Variants in ZFHX3 observed in about 807,000 individuals in gnomAD.
The protein encoded by ZFHX3 is zinc finger homeobox protein 3.
Under a neutral mutation model 279.1 loss-of-function variants are expected in ZFHX3, and 42 were observed. The observed-to-expected ratio is 0.15, with a 90% CI of 0.12 to 0.19. The LOEUF (loss-of-function observed/expected upper bound fraction) is 0.19. Among genes scored for constraint, ZFHX3 ranks in the 10% least tolerant of loss-of-function variants. The pLI, the probability that ZFHX3 is intolerant of heterozygous loss-of-function variation, is 1.00. For missense variants in ZFHX3, 4,981 were observed against 4,754.0 expected, an observed-to-expected ratio of 1.05 and a Z score of -1.40; for synonymous variants, 2,293 against 1,957.8, an observed-to-expected ratio of 1.17 and a Z score of -4.52.
At chr16:73,602,306 G>C (rs1016414954) in intron 2 of ZFHX3, among the ~76,000 whole-genome samples, 2 of 152,128 alleles carry the variant, frequency 1.3e-5, no homozygotes, top group African/African-American at 4.8e-5. Context: ...TTTAGTCCTA[G>C]AGATAAATGT....
At chr16:72,896,549 A>T (rs1170672479) in intron 3 of ZFHX3, among the ~76,000 whole-genome samples, 1 of 152,218 alleles carries the variant, frequency 6.6e-6, no homozygotes, top group Non-Finnish European at 1.5e-5. Flanking sequence ...GTGGGATTCT[A>T]CCCCATTAGT....
intron 2 of ZFHX3, among the ~76,000 whole-genome samples, chr16:73,562,388 G>T (rs1015664037): frequency 1.1e-4 from 17 of 152,134 alleles, no homozygotes; most frequent in South Asian, 4.1e-4. Flanking sequence ...GAGGTCAGGA[G>T]ATCGAGACCA....
At chr16:73,512,345 G>C (rs970660038) in intron 2 of ZFHX3, among the ~76,000 whole-genome samples, 15 of 151,050 alleles carry the variant, frequency 9.9e-5, no homozygotes, top group Non-Finnish European at 4.4e-5. Context: ...CCACTCATGA[G>C]GCTGAGGCAG....
chr16:73,594,007 C>T (rs1218535213), intron 2 of ZFHX3, among the ~76,000 whole-genome samples: 1 of 152,086 alleles, frequency 6.6e-6, no homozygotes, highest in Admixed American at 6.6e-5. Context: ...TCTTGTTACT[C>T]CTATTCAACA....
At chr16:73,537,374 T>G (rs2019922923) in intron 2 of ZFHX3, among the ~76,000 whole-genome samples, 1 of 134,916 alleles carries the variant, frequency 7.4e-6, no homozygotes, top group Non-Finnish European at 1.5e-5. Context: ...TGGAGTGCAG[T>G]GGCGCGATCT....
intron 5 of ZFHX3, among the ~76,000 whole-genome samples, chr16:73,168,327 T>A (rs1967442918): frequency 6.6e-6 from 1 of 151,318 alleles, no homozygotes; most frequent in Non-Finnish European, 1.5e-5. Context: ...AGTGGTGTGA[T>A]CATAGTTCAC....
chr16:73,865,652 G>A (rs749778575), intron 1 of ZFHX3, among the ~76,000 whole-genome samples: 4 of 152,096 alleles, frequency 2.6e-5, no homozygotes, highest in Non-Finnish European at 5.9e-5. Flanking sequence ...CTGAACTGCC[G>A]TGACTCAGAG....
In ZFHX3 at chr16:72,959,016, T is replaced by A; in HGVS notation, c.1130A>T (p.Glu377Val). 1 of 1,612,250 alleles carries A rather than the reference T, an allele frequency of 6.2e-7. No individual in the cohort carries two copies. The highest frequency in any genetic ancestry group is 8.5e-7 in the Non-Finnish European group (1 of 1,179,066). ...KFSGIRMEGE[E>V]ALPAGSAAGP... is the part of the protein sequence containing the mutation. Reference sequence around the variant, plus strand: ...AGCGGCGGAGCCCGCTGGGAGAGCTTCCTCCCCTTCCATTCGAATGCCACT... The same window carrying A: ...AGCGGCGGAGCCCGCTGGGAGAGCTACCTCCCCTTCCATTCGAATGCCACT... The change falls in exon 2 of 10, where the codon GAA becomes GTA. Residue 377 changes from glutamate to valine, a missense_variant. Coordinates refer to ENST00000268489, the MANE Select transcript of ZFHX3 (RefSeq NM_006885.4).
At chr16:73,849,211 C>T (rs976574143) in intron 1 of ZFHX3, among the ~76,000 whole-genome samples, 10 of 152,160 alleles carry the variant, frequency 6.6e-5, no homozygotes, top group South Asian at 2.1e-4. Flanking sequence ...TGGTGTGTGA[C>T]GTCAATTCAC....
In ZFHX3 at chr16:72,797,664, A is replaced by G. The variant is rs767358867; in HGVS notation, c.5018T>C (p.Ile1673Thr). ...FTTSNPSSAG[I>T]APSSNLLSQV... ...GCTTAGTAAGTTAGAGCTTGGAGCA[A>G]TGCCAGCACTGCTTGGATTGGAGGT... is the stretch of plus-strand genomic sequence containing the variant. Residue 1673 changes from isoleucine (I) to threonine (T), a missense_variant, in exon 9 of 10, where the codon ATT becomes ACT. Physicochemically the swap from Ile to Thr is moderately conservative, Grantham distance 89. This residue lies in a region of ZFHX3 where 1,751 missense variants were observed against 1,770.0 expected (regional missense o/e 0.99). Transcript: ENST00000268489. The G allele has an allele frequency of 6.2e-7, 1 of 1,614,142 alleles. No homozygotes were observed. Among genetic ancestry groups the G allele is most frequent in the East Asian group, 2.2e-5 (1 of 44,862 alleles).
chr16:73,601,916 A>G lies in ZFHX3; in HGVS notation c.-1547+78264T>C, dbSNP rs182197232. 2.5e-3 allele frequency among the ~76,000 whole-genome samples: 375 copies of G among 152,304 alleles called. 4 individuals carry two copies. The highest frequency in any genetic ancestry group is 8.8e-3 in the African/African-American group (367 of 41,556). On this transcript the variant is annotated intron_variant, in intron 2 of 17. Transcript: ENST00000641206. Reference sequence around the variant, plus strand: ...AATATGGTCAGGAACAAAACACACCAACTTCAGGAGAGAGGAAGGGGAGTG... The same window carrying G: ...AATATGGTCAGGAACAAAACACACCGACTTCAGGAGAGAGGAAGGGGAGTG...
At chr16:72,955,708 G>A (rs1279327470) in intron 2 of ZFHX3, among the ~76,000 whole-genome samples, 1 of 150,702 alleles carries the variant, frequency 6.6e-6, no homozygotes, top group African/African-American at 2.4e-5. Flanking sequence ...AACACAGGAG[G>A]TGGATGTTGC....
chr16:73,790,136 G>A (rs889289914), intron 1 of ZFHX3, among the ~76,000 whole-genome samples: 11 of 152,146 alleles, frequency 7.2e-5, no homozygotes, highest in African/African-American at 2.4e-4. Flanking sequence ...GGAGAATTGG[G>A]TTGGCTGTTC....
At chr16:73,609,956 G>A (rs914191547) in intron 2 of ZFHX3, 1 of 152,174 alleles carries the variant, frequency 6.6e-6, no homozygotes, top group Non-Finnish European at 1.5e-5. Flanking sequence ...GACCAGGTGT[G>A]TGTGTGGGTG....
rs75174704 is a variant in ZFHX3, at chr16:72,798,719, T to TAA, written c.3968-7_3968-6dup. On this transcript the variant is annotated splice_region_variant and splice_polypyrimidine_tract_variant and intron_variant, in intron 8 of 9. Coordinates refer to ENST00000268489, the MANE Select transcript of ZFHX3 (RefSeq NM_006885.4). ...TTCCCAGATCCTCTGAGGTTTCTGT[T>TAA]AAAAAAAAAAAAAAAATCAAACCCA... 0.025 allele frequency: 35,467 copies of TAA among 1,427,244 alleles called. 679 individuals are homozygous for TAA. The highest frequency in any genetic ancestry group is 0.21 in the East Asian group (8,731 of 40,990). The allele number at this position is 1,427,244 out of a possible 1,614,324, so 88.4% of individuals were successfully genotyped here.
Position 72,958,406 on chromosome 16 carries a change from A to T in ZFHX3, c.1740T>A (p.Asn580Lys), listed in dbSNP as rs558538398. The T allele has an allele frequency of 6.2e-7, 1 of 1,614,118 alleles. No individual in the cohort carries two copies. The highest frequency in any genetic ancestry group is 1.1e-5 in the South Asian group (1 of 91,084). ...LSFNSEGVRANVAEGGRRLDF... is the reference protein window; with the variant it reads ...LSFNSEGVRAKVAEGGRRLDF... ...CCAGCCTCCTGCCGCCCTCTGCCACATTGGCCCTGACGCCCTCACTGTTAA... is the reference window on the plus strand; with the variant it reads ...CCAGCCTCCTGCCGCCCTCTGCCACTTTGGCCCTGACGCCCTCACTGTTAA... Residue 580 changes from asparagine to lysine, a missense_variant, in exon 2 of 10, where the codon AAT becomes AAA. Around this residue, in one of 7 missense-constraint regions of ZFHX3, gnomAD observed 1,068 missense variants for 935.2 expected, o/e 1.14. Coordinates refer to ENST00000268489, the MANE Select transcript of ZFHX3 (RefSeq NM_006885.4).
At chr16:72,873,457 T>C (rs984263536) in intron 4 of ZFHX3, among the ~76,000 whole-genome samples, 8 of 152,226 alleles carry the variant, frequency 5.3e-5, no homozygotes, top group Non-Finnish European at 7.3e-5. Context: ...TTTTATCTTA[T>C]TAGTATGATG....
At chr16:73,847,881 G>A (rs1961488454) in intron 1 of ZFHX3, among the ~76,000 whole-genome samples, 1 of 149,710 alleles carries the variant, frequency 6.7e-6, no homozygotes, top group South Asian at 2.1e-4. Context: ...GGGAGTACGG[G>A]CACGTGCCAC....
At chr16:73,161,961 T>C (rs1463369019) in intron 5 of ZFHX3, among the ~76,000 whole-genome samples, 1 of 152,180 alleles carries the variant, frequency 6.6e-6, no homozygotes, top group African/African-American at 2.4e-5. Flanking sequence ...AATAATATGA[T>C]TTATACTTGG....
Sources: allele counts gnomAD v4.1 joint callset (sites outside exome capture counted in the v4.1 genomes callset), GRCh38; gene constraint gnomAD v4.1.1; regional missense constraint gnomAD v4.1.1; transcripts MANE v1.5; gene names NCBI Gene and HGNC (gene_info 2026-07-23, HGNC 2026-07-21).